The following SLC36A3 variants were observed in gnomAD, a reference collection of about 807,000 sequenced individuals.
SLC36A3 encodes proton-coupled amino acid transporter 3.
SLC36A3 carries 35 observed loss-of-function variants against 44.3 expected under a neutral mutation model. That is an observed-to-expected ratio of 0.79 (90% CI 0.60 to 1.05). The LOEUF (loss-of-function observed/expected upper bound fraction) is 1.05. Among genes scored for constraint, SLC36A3 ranks in the 50% least tolerant of loss-of-function variants. The pLI is 0.00. For missense variants in SLC36A3, 540 were observed against 578.7 expected, an observed-to-expected ratio of 0.93 and a Z score of 0.69; for synonymous variants, 211 against 227.6, an observed-to-expected ratio of 0.93 and a Z score of 0.66.
intron 1 of SLC36A3, among the ~76,000 whole-genome samples, chr5:151,299,378 T>G (rs1178338363): frequency 1.4e-5 from 2 of 143,414 alleles, no homozygotes; most frequent in Non-Finnish European, 3.0e-5. Flanking sequence ...TGGTGATATA[T>G]ATATATATAT....
At chr5:151,287,915 T>C (rs191336432) in intron 5 of SLC36A3, among the ~76,000 whole-genome samples, 108 of 152,330 alleles carry the variant, frequency 7.1e-4, no homozygotes, top group Admixed American at 1.6e-3. Context: ...ACAATACTTG[T>C]CACAGTTCTT....
chr5:151,293,757 G>A (rs774309957), intron 3 of SLC36A3, among the ~76,000 whole-genome samples: 5 of 152,234 alleles, frequency 3.3e-5, no homozygotes, highest in Non-Finnish European at 7.3e-5. Context: ...ATATGGAGGG[G>A]GAGAGGAGGA....
chr5:151,278,180 A>T (rs1754172902), intron 9 of SLC36A3, among the ~76,000 whole-genome samples: 3 of 152,112 alleles, frequency 2.0e-5, no homozygotes, highest in Admixed American at 1.3e-4. Flanking sequence ...AAGGATGGAT[A>T]AAAAAATGGG....
chr5:151,287,647 AT>A (rs551930087), intron 5 of SLC36A3, among the ~76,000 whole-genome samples, 183 bp from the exon 6 acceptor site: 85 of 152,320 alleles, frequency 5.6e-4, no homozygotes, highest in African/African-American at 1.9e-3. Flanking sequence ...ACTGGGTATC[AT>A]ATATTATTAT....
chr5:151,289,326 T>C (rs950628688), intron 4 of SLC36A3, among the ~76,000 whole-genome samples: 1 of 151,972 alleles, frequency 6.6e-6, no homozygotes, highest in African/African-American at 2.4e-5. Context: ...AAAGTACCTT[T>C]TGTAGTTATT....
intron 8 of SLC36A3, among the ~76,000 whole-genome samples, chr5:151,281,909 G>A (rs1168249670): frequency 1.3e-5 from 2 of 152,058 alleles, no homozygotes; most frequent in Admixed American, 6.5e-5. Flanking sequence ...TCCCACCCTT[G>A]ATTCCTAGCT....
chr5:151,293,373 A>G lies in SLC36A3; in HGVS notation c.395T>C (p.Val132Ala). The change falls in exon 4 of 10, where the codon GTG becomes GCG. Residue 132 changes from valine to alanine, a missense_variant. Physicochemically the swap from Val to Ala is moderately conservative, Grantham distance 64. Transcript: ENST00000335230. ...CATCTGTGACTACTACCTTCCCCAC[A>G]CTGCATGGGCCCTCAGCCAGGTGTT... ...CPNTWLRAHA[V>A]WGRYTVSFLL... 1 of 1,612,958 alleles carries G rather than the reference A, an allele frequency of 6.2e-7. No individual in the cohort carries two copies. The highest frequency in any genetic ancestry group is 8.5e-7 in the Non-Finnish European group (1 of 1,179,288).
chr5:151,291,924 G>A (rs898524548), intron 4 of SLC36A3, among the ~76,000 whole-genome samples: 5 of 152,112 alleles, frequency 3.3e-5, no homozygotes, highest in African/African-American at 9.7e-5. Flanking sequence ...GCAATGGTGC[G>A]ATCTCGGCTC....
intron 3 of SLC36A3, among the ~76,000 whole-genome samples, chr5:151,294,290 G>A (rs74408652): frequency 0.02 from 2,973 of 152,276 alleles, 62 homozygotes; most frequent in East Asian, 0.077. Flanking sequence ...ACTGCTCACC[G>A]TGATAGGCAT....
intron 1 of SLC36A3, among the ~76,000 whole-genome samples, chr5:151,302,607 T>G (rs1755201743): frequency 6.6e-6 from 1 of 151,816 alleles, no homozygotes; most frequent in African/African-American, 2.4e-5. Flanking sequence ...AGCATCAGGA[T>G]AAATAGCTAA....
At chr5:151,289,363 A>T (rs943445768) in intron 4 of SLC36A3, among the ~76,000 whole-genome samples, 3 of 151,946 alleles carry the variant, frequency 2.0e-5, no homozygotes, top group African/African-American at 7.3e-5. Flanking sequence ...GATCTAATGA[A>T]GGTTTGTATA....
chr5:151,296,347 T>G, intron 2 of SLC36A3, 79 bp from the exon 3 acceptor site: 1 of 1,203,054 alleles, frequency 8.3e-7, no homozygotes. Flanking sequence ...GTCTGCGTGC[T>G]GGGGCCTGTT....
intron 3 of SLC36A3, among the ~76,000 whole-genome samples, chr5:151,295,616 C>T: frequency 6.6e-6 from 1 of 152,134 alleles, no homozygotes; most frequent in East Asian, 1.9e-4. Context: ...TCTCTGCATT[C>T]TTTGTTTTTA....
chr5:151,302,961 G>A (rs1244956044), intron 1 of SLC36A3, among the ~76,000 whole-genome samples: 1 of 152,126 alleles, frequency 6.6e-6, no homozygotes, highest in Non-Finnish European at 1.5e-5. Context: ...CAGACAGCCT[G>A]AGATAGGAAA....
Position 151,281,069 on chromosome 5 carries a change from C to G in SLC36A3, c.1089G>C (p.Glu363Asp), listed in dbSNP as rs759537655. ...IIPFAISQVS[E>D]SWALFVDLSV... ...ACAGGTCTACAAACAGTGCCCAGCT[C>G]TCTGACACTTGGGAGATGGCAAACG... Residue 363 changes from glutamate to aspartate, a missense_variant, in exon 9 of 10, where the codon GAG (glutamate) becomes GAC (aspartate). Glu to Asp is a conservative substitution (Grantham distance 45). Transcript: ENST00000335230. 7 of 1,614,046 alleles carry G rather than the reference C, an allele frequency of 4.3e-6. No individual in the cohort carries two copies. The East Asian group carries it at 1.1e-4, about 26-fold the overall frequency.
In SLC36A3 at chr5:151,303,637, G is replaced by C; in HGVS notation, c.-283C>G. On this transcript the variant is annotated 5_prime_UTR_variant, in exon 1 of 10. Transcript: ENST00000335230. ...TCACTCGCAATTGCTTGCCCAACCAGGACTTGCCTGGGCTTTTGGCCTCTC... is the reference window on the plus strand; with the variant it reads ...TCACTCGCAATTGCTTGCCCAACCACGACTTGCCTGGGCTTTTGGCCTCTC... 2.9e-6 allele frequency: 1 copy of C among 347,808 alleles called. No homozygotes were observed. Among genetic ancestry groups the C allele is most frequent in the African/African-American group, 2.1e-5 (1 of 48,642 alleles). 21.5% of individuals were successfully genotyped at this position (347,808 alleles called of 1,614,324 possible). A position where few individuals can be genotyped will look rare whatever the true frequency, so the allele number is the denominator to read the frequency against.
At chr5:151,291,884 G>A (rs1009981445) in intron 4 of SLC36A3, among the ~76,000 whole-genome samples, 9 of 151,828 alleles carry the variant, frequency 5.9e-5, no homozygotes, top group African/African-American at 1.9e-4. Flanking sequence ...GTTTTGAGAT[G>A]GAGTCTCACT....
At position 151,290,820 on chromosome 5, in the gene SLC36A3, G is replaced by A. The variant is rs1052287688; in HGVS notation, c.405-2350C>T. On this transcript the variant is annotated intron_variant, in intron 4 of 9. Coordinates refer to ENST00000335230, the MANE Select transcript of SLC36A3 (RefSeq NM_181774.4). ...TGAGGCAGGAGAATGGCATGAACCC[G>A]GGAGGTGGAGCTTGCAGTGAGCCGA... 1.6e-4 allele frequency among the ~76,000 whole-genome samples: 25 copies of A among 151,936 alleles called. 1 individual carries two copies. The highest frequency in any genetic ancestry group is 6.6e-4 in the Admixed American group (10 of 15,258).
chr5:151,284,168 A>G lies in SLC36A3; in HGVS notation c.850T>C (p.Ser284Pro). ...KNQMKHPQQFSFVLYLGMSIV... is the reference protein window; with the variant it reads ...KNQMKHPQQFPFVLYLGMSIV... ...GACATCCCCAAGTACAGAACAAAAG[A>G]AAACTGCTGTGGATGCTTCATCTGG... The change falls in exon 8 of 10, where the codon TCT becomes CCT. Residue 284 changes from serine to proline, a missense_variant. Ser to Pro is a moderately conservative substitution (Grantham distance 74). Transcript: ENST00000335230. The G allele has an allele frequency of 6.2e-7, 1 of 1,613,556 alleles. No individual in the cohort carries two copies. The highest frequency in any genetic ancestry group is 2.2e-5 in the East Asian group (1 of 44,864).
Sources: gnomAD v4.1 joint callset for allele counts (sites outside exome capture counted in the v4.1 genomes callset) on GRCh38, gnomAD v4.1.1 for gene constraint, MANE v1.5 for transcripts, NCBI Gene and HGNC (gene_info 2026-07-23, HGNC 2026-07-21) for gene names.